The following RNF128 variants were observed in gnomAD, a reference collection of about 807,000 sequenced individuals.
The protein encoded by RNF128 is E3 ubiquitin-protein ligase RNF128.
In RNF128, 13 loss-of-function variants were observed where a neutral mutation model predicts 26.2. The observed-to-expected ratio is 0.50, with a 90% CI of 0.32 to 0.79. The LOEUF is 0.79. Ranked by LOEUF, RNF128 falls within the 30% of genes least tolerant of loss-of-function variation. The pLI is 0.03. For missense variants in RNF128, 315 were observed against 349.7 expected (o/e 0.90, Z 0.79); for synonymous variants, 149 against 142.5 (o/e 1.05, Z -0.32).
chrX:106,730,471 G>C (rs1929482269), intron 1 of RNF128, among the ~76,000 whole-genome samples: 1 of 111,981 alleles, frequency 8.9e-6, no homozygotes. Flanking sequence ...AAAAATGAAA[G>C]TCAGATAAGT....
chrX:106,763,349 A>G (rs1212216839), intron 1 of RNF128, among the ~76,000 whole-genome samples: 1 of 111,285 alleles, frequency 9.0e-6, no homozygotes, highest in Non-Finnish European at 1.9e-5. Flanking sequence ...TTCAAACATG[A>G]TTCTGAGGTT....
intron 1 of RNF128, among the ~76,000 whole-genome samples, chrX:106,753,629 A>G (rs1321410693): frequency 8.9e-6 from 1 of 111,734 alleles, no homozygotes; most frequent in African/African-American, 3.2e-5. Context: ...TTGAATTTAA[A>G]TAGAATAAAC....
At chrX:106,755,839 T>C (rs1010119743) in intron 1 of RNF128, among the ~76,000 whole-genome samples, 5 of 110,433 alleles carry the variant, frequency 4.5e-5, no homozygotes, top group African/African-American at 1.7e-4. Flanking sequence ...GAAAACCCCA[T>C]TGTCTCAGCC....
chrX:106,759,426 T>C (rs1930082332), intron 1 of RNF128, among the ~76,000 whole-genome samples: 1 of 111,412 alleles, frequency 9.0e-6, no homozygotes, highest in African/African-American at 3.3e-5. Flanking sequence ...GCAATCCCAC[T>C]GCTAGGTATA....
chrX:106,699,966 T>G (rs1928930358), intron 1 of RNF128, among the ~76,000 whole-genome samples: 1 of 111,378 alleles, frequency 9.0e-6, no homozygotes, highest in African/African-American at 3.3e-5. Flanking sequence ...AGGTCGTTCT[T>G]GTTAAAATTT....
In RNF128 at chrX:106,727,112, G is replaced by C; in HGVS notation, c.199G>C (p.Glu67Gln). 1 of 1,206,781 alleles carries C rather than the reference G, an allele frequency of 8.3e-7. No individual in the cohort carries two copies. Among genetic ancestry groups the C allele is most frequent in the Non-Finnish European group, 1.1e-6 (1 of 893,452 alleles). ...GAACCGTACGGTGTGGGAGCTGAGC[G>C]AGGAGGGCGTGTACGGCCAGGACTC... is the stretch of plus-strand genomic sequence containing the variant. ...GVNRTVWELS[E>Q]EGVYGQDSPL... Residue 67 changes from glutamate to glutamine, a missense_variant, in exon 1 of 7, where the codon GAG becomes CAG. Transcript: ENST00000255499.
intron 1 of RNF128, among the ~76,000 whole-genome samples, chrX:106,746,415 A>G (rs1275766395): frequency 9.0e-6 from 1 of 111,110 alleles, no homozygotes; most frequent in Non-Finnish European, 1.9e-5. Flanking sequence ...GGGGAAAAAA[A>G]GGTCCAGAGG....
chrX:106,752,603 G>A (rs954976693), intron 1 of RNF128, among the ~76,000 whole-genome samples: 8 of 112,149 alleles, frequency 7.1e-5, no homozygotes, highest in Non-Finnish European at 1.3e-4. Context: ...GTATAAACAA[G>A]CCCAGACTGT....
chrX:106,795,054 T>A (rs943393665), intron 6 of RNF128, among the ~76,000 whole-genome samples: 10 of 111,939 alleles, frequency 8.9e-5, no homozygotes, highest in African/African-American at 3.2e-4. Flanking sequence ...TTATTTAAGT[T>A]TAGTTGTTTT....
chrX:106,712,223 T>C (rs1164566726), intron 1 of RNF128, among the ~76,000 whole-genome samples: 2 of 112,138 alleles, frequency 1.8e-5, no homozygotes, highest in African/African-American at 6.5e-5. Context: ...GAGTGTCTTT[T>C]TATTATCTGC....
intron 1 of RNF128, among the ~76,000 whole-genome samples, chrX:106,757,997 A>G (rs985743903): frequency 8.9e-6 from 1 of 112,300 alleles, no homozygotes; most frequent in African/African-American, 3.2e-5. Flanking sequence ...AAGTCAAATT[A>G]TCCTTGTTTG....
intron 1 of RNF128, among the ~76,000 whole-genome samples, chrX:106,744,988 A>G (rs1226329344): frequency 9.0e-6 from 1 of 111,408 alleles, no homozygotes; most frequent in African/African-American, 3.3e-5. Flanking sequence ...AAGCAGGATC[A>G]GGTGTTTTAT....
At chrX:106,733,422 A>G (rs1432043219) in intron 1 of RNF128, among the ~76,000 whole-genome samples, 1 of 111,709 alleles carries the variant, frequency 9.0e-6, no homozygotes, top group Non-Finnish European at 1.9e-5. Flanking sequence ...TACTAAAGAC[A>G]TTTTCTAAGT....
At chrX:106,788,935 T>C (rs1485087637) in intron 4 of RNF128, among the ~76,000 whole-genome samples, 2 of 76,021 alleles carry the variant, frequency 2.6e-5, no homozygotes, top group Non-Finnish European at 4.7e-5. Context: ...CTATATAGTG[T>C]ATAGTATATA....
intron 3 of RNF128, among the ~76,000 whole-genome samples, chrX:106,786,332 T>A (rs1334342876): frequency 9.0e-6 from 1 of 111,358 alleles, no homozygotes; most frequent in East Asian, 2.8e-4. Flanking sequence ...AAGGATAGCC[T>A]TTTCAGGAGG....
intron 1 of RNF128, among the ~76,000 whole-genome samples, chrX:106,696,637 T>C (rs1928877546): frequency 9.0e-6 from 1 of 110,895 alleles, no homozygotes; most frequent in South Asian, 3.8e-4. Flanking sequence ...AAAATCACAC[T>C]GTAGCCCCCT....
At chrX:106,730,513 C>A (rs1215138606) in intron 1 of RNF128, among the ~76,000 whole-genome samples, 2 of 111,995 alleles carry the variant, frequency 1.8e-5, no homozygotes, top group Non-Finnish European at 1.9e-5. Context: ...TTAAAACCAT[C>A]TAAAATGTAA....
intron 1 of RNF128, among the ~76,000 whole-genome samples, chrX:106,771,555 G>A (rs1024161308): frequency 8.9e-6 from 1 of 112,968 alleles, no homozygotes; most frequent in Non-Finnish European, 1.9e-5. Flanking sequence ...CTCTGAGCCA[G>A]GCGCGGGTTA....
chrX:106,753,365 G>C (rs1027828619), intron 1 of RNF128, among the ~76,000 whole-genome samples: 6 of 111,294 alleles, frequency 5.4e-5, no homozygotes, highest in Middle Eastern at 4.2e-3. Context: ...TTGTTTGTTT[G>C]TTTTAGCAAT....
Sources: allele counts gnomAD v4.1 joint callset (sites outside exome capture counted in the v4.1 genomes callset), GRCh38; gene constraint gnomAD v4.1.1; transcripts MANE v1.5; gene names NCBI Gene and HGNC (gene_info 2026-07-23, HGNC 2026-07-21).